FSTL5: variants seen among roughly 807,000 people sequenced by gnomAD.
The protein encoded by FSTL5 is follistatin-related protein 5.
A neutral mutation model predicts 89.1 loss-of-function variants in FSTL5; 62 were observed. The observed-to-expected ratio is 0.70, with a 90% confidence interval of 0.57 to 0.86. The LOEUF (loss-of-function observed/expected upper bound fraction) is 0.86. Among genes scored for constraint, FSTL5 ranks in the 40% least tolerant of loss-of-function variants. The probability of loss-of-function intolerance (pLI) is 0.00; values close to 1 mark genes in which losing one functional copy is unlikely to be tolerated. For synonymous variants in FSTL5, 383 were observed against 346.2 expected (o/e 1.11, Z -1.18); for missense variants, 1,057 against 1,001.6 (o/e 1.06, Z -0.75).
At chr4:161,809,306 T>C (rs982862374) in intron 4 of FSTL5, among the ~76,000 whole-genome samples, 1 of 152,180 alleles carries the variant, frequency 6.6e-6, no homozygotes, top group Middle Eastern at 3.2e-3. Context: ...ACCACTATTT[T>C]TCAAGGGGAG....
chr4:161,989,931 G>A lies in FSTL5; in HGVS notation c.160+43694C>T, dbSNP rs941670609. 3.9e-5 allele frequency among the ~76,000 whole-genome samples: 6 copies of A among 152,080 alleles called. No individual in the cohort carries two copies. In the East Asian group the frequency reaches 1.2e-3, roughly 29 times the overall value. On this transcript the variant is annotated intron_variant, in intron 3 of 15. Coordinates refer to ENST00000306100, the MANE Select transcript of FSTL5 (RefSeq NM_020116.5). ...TGTTTACACCTCTCTTGATTACGTTGGTGGTGGTAGTTGCATGTGTGAATA... is the reference window on the plus strand; with the variant it reads ...TGTTTACACCTCTCTTGATTACGTTAGTGGTGGTAGTTGCATGTGTGAATA...
At chr4:162,077,095 A>C (rs575105718) in intron 2 of FSTL5, among the ~76,000 whole-genome samples, 1 of 151,936 alleles carries the variant, frequency 6.6e-6, no homozygotes, top group Non-Finnish European at 1.5e-5. Context: ...TTTATAACAA[A>C]ATATATTTGT....
At chr4:161,583,407 A>G (rs927989991) in intron 8 of FSTL5, among the ~76,000 whole-genome samples, 46 of 152,018 alleles carry the variant, frequency 3.0e-4, no homozygotes, top group African/African-American at 1.0e-3. Context: ...CCATCCCCAA[A>G]CCGCCCTATC....
chr4:161,739,793 T>C (rs950811703), intron 6 of FSTL5, among the ~76,000 whole-genome samples: 12 of 152,004 alleles, frequency 7.9e-5, no homozygotes, highest in South Asian at 2.1e-4. Context: ...GTTTAAAACA[T>C]GAGTAGCCAG....
intron 10 of FSTL5, among the ~76,000 whole-genome samples, chr4:161,537,544 G>T (rs976825238): frequency 6.6e-6 from 1 of 152,118 alleles, no homozygotes; most frequent in East Asian, 1.9e-4. Context: ...TACCCCTTTT[G>T]CCAAGTAATT....
intron 12 of FSTL5, among the ~76,000 whole-genome samples, chr4:161,484,225 A>C (rs1729606386): frequency 6.6e-6 from 1 of 152,054 alleles, no homozygotes; most frequent in African/African-American, 2.4e-5. Flanking sequence ...TTTAAATTCC[A>C]ATCTTTCCTT....
chr4:161,599,863 T>C (rs1208418189), intron 7 of FSTL5, among the ~76,000 whole-genome samples: 1 of 152,100 alleles, frequency 6.6e-6, no homozygotes, highest in Non-Finnish European at 1.5e-5. Flanking sequence ...GGTGTCATTG[T>C]GCACATGTAC....
At chr4:161,927,570 G>A (rs1734161920) in intron 3 of FSTL5, among the ~76,000 whole-genome samples, 1 of 151,510 alleles carries the variant, frequency 6.6e-6, no homozygotes, top group Non-Finnish European at 1.5e-5. Context: ...GCTAGAAAAG[G>A]AATATTATAT....
At chr4:161,442,079 A>C (rs1732789408) in intron 15 of FSTL5, among the ~76,000 whole-genome samples, 1 of 152,032 alleles carries the variant, frequency 6.6e-6, no homozygotes, top group Non-Finnish European at 1.5e-5. Context: ...ATAGACCAAA[A>C]AGGTCACTAA....
intron 1 of FSTL5, among the ~76,000 whole-genome samples, chr4:162,118,613 C>G (rs1266250738): frequency 6.6e-6 from 1 of 152,180 alleles, no homozygotes; most frequent in African/African-American, 2.4e-5. Flanking sequence ...CATTAAGCAG[C>G]ACATTCTCCT....
chr4:161,779,300 C>T (rs1336226496), intron 4 of FSTL5, among the ~76,000 whole-genome samples: 1 of 152,116 alleles, frequency 6.6e-6, no homozygotes, highest in African/African-American at 2.4e-5. Flanking sequence ...TTAAGGCATT[C>T]ATATTCTATA....
intron 8 of FSTL5, among the ~76,000 whole-genome samples, chr4:161,573,135 CGTGGT>C (rs1560959860): frequency 6.6e-6 from 1 of 152,066 alleles, no homozygotes; most frequent in East Asian, 1.9e-4. Flanking sequence ...TTTGGTCAGG[CGTGGT>C]GGCCCACGCC....
intron 7 of FSTL5, among the ~76,000 whole-genome samples, chr4:161,639,331 T>A (rs553149460): frequency 6.6e-6 from 1 of 152,320 alleles, no homozygotes; most frequent in African/African-American, 2.4e-5. Flanking sequence ...GCAAGATCAC[T>A]TTGCATAAGC....
Position 161,961,442 on chromosome 4 carries a change from T to C in FSTL5, c.161-40790A>G, listed in dbSNP as rs191304417. ...TAAAATGTTAAATATCACTGCATTA[T>C]GACTAACTGAACTGGTATACTTGGT... is the stretch of plus-strand genomic sequence containing the variant. On this transcript the variant is annotated intron_variant, in intron 3 of 15. Coordinates refer to ENST00000306100, the MANE Select transcript of FSTL5 (RefSeq NM_020116.5). Among the ~76,000 whole-genome samples the C allele has an allele frequency of 3.4e-3, 516 of 152,152 alleles. 1 individual carries two copies. The highest frequency in any genetic ancestry group is 5.1e-3 in the Non-Finnish European group (345 of 67,990).
At chr4:161,663,651 G>A (rs1329845554) in intron 6 of FSTL5, among the ~76,000 whole-genome samples, 1 of 152,124 alleles carries the variant, frequency 6.6e-6, no homozygotes, top group Non-Finnish European at 1.5e-5. Flanking sequence ...CTAGGTGCAT[G>A]TTGCAAGCTG....
intron 4 of FSTL5, among the ~76,000 whole-genome samples, chr4:161,846,122 T>C (rs1731362535): frequency 6.6e-6 from 1 of 152,088 alleles, no homozygotes; most frequent in Admixed American, 6.6e-5. Flanking sequence ...CGCACAAGTA[T>C]GTGTGCTTGT....
chr4:161,509,846 G>A (rs1196199250), intron 11 of FSTL5, among the ~76,000 whole-genome samples: 2 of 152,096 alleles, frequency 1.3e-5, no homozygotes, highest in East Asian at 3.9e-4. Flanking sequence ...ATATGAAAAT[G>A]GATACTGTTT....
intron 6 of FSTL5, among the ~76,000 whole-genome samples, chr4:161,718,200 G>A (rs1417653809): frequency 6.6e-6 from 1 of 151,984 alleles, no homozygotes; most frequent in Non-Finnish European, 1.5e-5. Context: ...AAGAGAAATT[G>A]GAAATGAACT....
chr4:161,765,852 G>A (rs912222230), intron 5 of FSTL5, among the ~76,000 whole-genome samples: 2 of 147,442 alleles, frequency 1.4e-5, no homozygotes, highest in Admixed American at 6.8e-5. Flanking sequence ...CTAGAGTACT[G>A]TGGCACAATC....
Sources: allele counts gnomAD v4.1 joint callset (sites outside exome capture counted in the v4.1 genomes callset), GRCh38; gene constraint gnomAD v4.1.1; transcripts MANE v1.5; gene names NCBI Gene and HGNC (gene_info 2026-07-23, HGNC 2026-07-21).